The following ZNF345 variants were observed in gnomAD, a reference collection of about 807,000 sequenced individuals.
The protein encoded by ZNF345 is zinc finger protein 345.
For missense variants in ZNF345, 527 were observed against 589.9 expected, an observed-to-expected ratio of 0.89 and a Z score of 1.10; for synonymous variants, 166 against 187.9, an observed-to-expected ratio of 0.88 and a Z score of 0.95.
At chr19:36,871,880 G>A (rs568480733) in intron 2 of ZNF345, among the ~76,000 whole-genome samples, 1 of 152,178 alleles carries the variant, frequency 6.6e-6, no homozygotes, top group South Asian at 2.1e-4. Flanking sequence ...CGATTCTCCT[G>A]CCTCAGCCTC....
chr19:36,885,685 G>A (rs924140708), intron 3 of ZNF345, among the ~76,000 whole-genome samples: 12 of 152,018 alleles, frequency 7.9e-5, no homozygotes, highest in Admixed American at 2.6e-4. Context: ...GTGAGCCACC[G>A]TGCCTGGCCT....
chr19:36,884,038 T>C (rs2072983063), downstream of ZNF345, among the ~76,000 whole-genome samples: 1 of 151,782 alleles, frequency 6.6e-6, no homozygotes, highest in African/African-American at 2.4e-5. Context: ...GAACTCAAGA[T>C]AATACTATAC....
At chr19:36,855,447 CTTTTTTTTT>C (rs34265794) in intron 2 of ZNF345, among the ~76,000 whole-genome samples, 3 of 58,574 alleles carry the variant, frequency 5.1e-5, no homozygotes, top group Non-Finnish European at 8.8e-5. Context: ...CGAGCCTGGC[CTTTTTTTTT>C]TTTTTTTTTT....
rs750960350 is a variant in ZNF345, at chr19:36,877,677, G to A, written c.847G>A (p.Glu283Lys). The change falls in exon 3 of 3, where the codon GAG becomes AAG. Residue 283 changes from glutamate (E) to lysine (K), a missense_variant. Glu to Lys is a moderately conservative substitution (Grantham distance 56, BLOSUM62 1). Transcript: ENST00000420450. ...TCGACATCAAAGAATTCATACTGGT[G>A]AGAAACCTTATGTATGTAAGGAATG... The part of the protein sequence containing the change: ...LTRHQRIHTG[E>K]KPYVCKECGK... 6.2e-7 allele frequency: 1 copy of A among 1,614,140 alleles called. No individual in the cohort carries two copies. Among genetic ancestry groups the A allele is most frequent in the Non-Finnish European group, 8.5e-7 (1 of 1,180,014 alleles).
intron 3 of ZNF345, chr19:36,890,965 C>T (rs1310359770): frequency 1.3e-5 from 2 of 152,516 alleles, no homozygotes; most frequent in East Asian, 1.9e-4. Flanking sequence ...GAACTGTATC[C>T]CCTAAAAAGA....
intron 2 of ZNF345, among the ~76,000 whole-genome samples, chr19:36,874,252 G>C (rs909703003): frequency 3.3e-5 from 5 of 152,136 alleles, no homozygotes; most frequent in African/African-American, 1.2e-4. Flanking sequence ...CCAGCACTTT[G>C]GGAGGCCAAG....
At chr19:36,864,521 C>T (rs541837142) in intron 2 of ZNF345, among the ~76,000 whole-genome samples, 16 of 151,856 alleles carry the variant, frequency 1.1e-4, no homozygotes, top group African/African-American at 3.9e-4. Flanking sequence ...GAGACCTTGT[C>T]TCTAAAAAAT....
At chr19:36,868,612 A>G (rs1309536874) in intron 2 of ZNF345, among the ~76,000 whole-genome samples, 1 of 148,892 alleles carries the variant, frequency 6.7e-6, no homozygotes, top group East Asian at 2.0e-4. Context: ...GCAGTTCCAC[A>G]TGGATATGAG....
chr19:36,854,503 G>C (rs532147600), intron 2 of ZNF345: 70 of 152,252 alleles, frequency 4.6e-4, no homozygotes, highest in African/African-American at 1.6e-3. Context: ...TTTTCCCTCA[G>C]ATCAGTCTTG....
chr19:36,860,475 A>G (rs1015254974), intron 2 of ZNF345, among the ~76,000 whole-genome samples: 7 of 152,192 alleles, frequency 4.6e-5, no homozygotes, highest in African/African-American at 1.7e-4. Flanking sequence ...TTTACTAATT[A>G]TGTCTCTCTA....
At chr19:36,859,497 T>G (rs1487311622) in intron 2 of ZNF345, among the ~76,000 whole-genome samples, 1 of 151,970 alleles carries the variant, frequency 6.6e-6, no homozygotes, top group Non-Finnish European at 1.5e-5. Context: ...TTTTGTTTTT[T>G]TTTTTAATTT....
In ZNF345 at chr19:36,877,243, G is replaced by C. The variant is rs375817401; in HGVS notation, c.413G>C (p.Arg138Thr). ...GGCTCAAACCTTACTCACCATCAGAGAATTCATACTGGTGAGAAACCCTAT... is the reference window on the plus strand; with the variant it reads ...GGCTCAAACCTTACTCACCATCAGACAATTCATACTGGTGAGAAACCCTAT... The part of the protein sequence containing the change: ...GSGSNLTHHQ[R>T]IHTGEKPYEC... Residue 138 changes from arginine to threonine, a missense_variant, in exon 3 of 3, where the codon AGA (arginine) becomes ACA (threonine). By Grantham distance (71) the Arg-to-Thr change is moderately conservative. Transcript: ENST00000420450. 2 of 1,614,000 alleles carry C rather than the reference G, an allele frequency of 1.2e-6. No individual in the cohort carries two copies. The highest frequency in any genetic ancestry group is 1.7e-6 in the Non-Finnish European group (2 of 1,179,992).
chr19:36,864,867 T>A (rs929065221), intron 2 of ZNF345, among the ~76,000 whole-genome samples: 20 of 152,206 alleles, frequency 1.3e-4, no homozygotes, highest in Admixed American at 1.2e-3. Flanking sequence ...CATAAGTGCC[T>A]CACTTGCCTT....
intron 2 of ZNF345, among the ~76,000 whole-genome samples, chr19:36,853,426 T>C (rs958746080): frequency 2.0e-5 from 3 of 152,064 alleles, no homozygotes; most frequent in African/African-American, 7.2e-5. Context: ...TTTTGTATTT[T>C]TAGTAGAGAC....
At chr19:36,875,536 A>T (rs1294972951) in intron 2 of ZNF345, among the ~76,000 whole-genome samples, 2 of 152,176 alleles carry the variant, frequency 1.3e-5, no homozygotes, top group Non-Finnish European at 2.9e-5. Flanking sequence ...CAGATCACTG[A>T]GGAACTTTTA....
At chr19:36,883,371 A>C (rs2072979663), downstream of ZNF345, among the ~76,000 whole-genome samples, 1 of 152,174 alleles carries the variant, frequency 6.6e-6, no homozygotes, top group African/African-American at 2.4e-5. Context: ...AAGTTTTCTA[A>C]GACTCAGCCT....
At position 36,878,288 on chromosome 19, in the gene ZNF345, T is replaced by C; in HGVS notation, c.1458T>C (p.Thr486=). Reference sequence around the variant, plus strand: ...GTAAGAAACTCTGCGAATTGGAAACTATAAATTGAAATTATGTGCTGAAGG... The same window carrying C: ...GTAAGAAACTCTGCGAATTGGAAACCATAAATTGAAATTATGTGCTGAAGG... ...HNGKKLCELE[T]IN is the part of the protein sequence containing the mutation. Residue 486 remains threonine (T), a synonymous_variant, in exon 3 of 3, where the codon ACT becomes ACC. Transcript: ENST00000420450. 1 of 1,564,408 alleles carries C rather than the reference T, an allele frequency of 6.4e-7. No individual in the cohort carries two copies. The highest frequency in any genetic ancestry group is 1.4e-5 in the African/African-American group (1 of 72,750).
chr19:36,863,647 C>T (rs918027788), intron 2 of ZNF345, among the ~76,000 whole-genome samples: 5 of 152,200 alleles, frequency 3.3e-5, no homozygotes, highest in African/African-American at 1.2e-4. Context: ...CCTTTGGCTA[C>T]AAGAAAGGGG....
chr19:36,867,038 G>A (rs1002242060), intron 2 of ZNF345, among the ~76,000 whole-genome samples: 1 of 152,186 alleles, frequency 6.6e-6, no homozygotes, highest in Admixed American at 6.5e-5. Flanking sequence ...GAATTGCTGG[G>A]TAATAGGGAA....
Sources: gnomAD v4.1 joint callset for allele counts (sites outside exome capture counted in the v4.1 genomes callset) on GRCh38, gnomAD v4.1.1 for gene constraint, MANE v1.5 for transcripts, NCBI Gene and HGNC (gene_info 2026-07-23, HGNC 2026-07-21) for gene names.